The following KDM2B variants were observed in gnomAD, a reference collection of about 807,000 sequenced individuals.
KDM2B encodes the protein lysine-specific demethylase 2B.
KDM2B carries 26 observed loss-of-function variants against 150.0 expected under a neutral mutation model. The ratio of observed to expected loss-of-function variants is 0.17; its 90% CI spans 0.13 to 0.24. The LOEUF (loss-of-function observed/expected upper bound fraction) is 0.24. Among genes scored for constraint, KDM2B ranks in the 10% least tolerant of loss-of-function variants. The pLI, the probability that KDM2B is intolerant of heterozygous loss-of-function variation, is 1.00. For missense variants in KDM2B, 1,265 were observed against 1,816.9 expected, an observed-to-expected ratio of 0.70 and a Z score of 5.52; for synonymous variants, 734 against 729.5, an observed-to-expected ratio of 1.01 and a Z score of -0.10.
At chr12:121,566,425 C>A (rs1266050010) in intron 4 of KDM2B, among the ~76,000 whole-genome samples, 2 of 152,072 alleles carry the variant, frequency 1.3e-5, no homozygotes, top group Admixed American at 6.6e-5. Context: ...AGTTCGAGAC[C>A]ATCCTGGCCA....
chr12:121,550,920 A>G (rs1889438460), intron 4 of KDM2B, among the ~76,000 whole-genome samples: 1 of 152,164 alleles, frequency 6.6e-6, no homozygotes, highest in Admixed American at 6.6e-5. Context: ...CCAAATTCTC[A>G]GGTCCATTTA....
intron 10 of KDM2B, among the ~76,000 whole-genome samples, chr12:121,512,310 C>T (rs1885660423): frequency 6.6e-6 from 1 of 152,080 alleles, no homozygotes; most frequent in African/African-American, 2.4e-5. Flanking sequence ...CAAAGACTTC[C>T]CAGTGAAGGC....
intron 12 of KDM2B, among the ~76,000 whole-genome samples, chr12:121,459,042 C>T (rs1006138166): frequency 7.5e-5 from 11 of 145,768 alleles, no homozygotes; most frequent in African/African-American, 2.8e-4. Context: ...GCCAAGATCA[C>T]ACCACTGCAC....
chr12:121,569,059 A>C (rs560753228), intron 4 of KDM2B, among the ~76,000 whole-genome samples: 71 of 152,330 alleles, frequency 4.7e-4, no homozygotes, highest in African/African-American at 1.6e-3. Context: ...TGGAAGACAG[A>C]GGCTGCAAGA....
At chr12:121,554,703 A>C (rs985108927) in intron 4 of KDM2B, among the ~76,000 whole-genome samples, 118 of 151,792 alleles carry the variant, frequency 7.8e-4, no homozygotes, top group African/African-American at 2.8e-3. Context: ...GAGCCACCGC[A>C]CCCGGCCTGT....
At position 121,442,546 on chromosome 12, in the gene KDM2B, C is replaced by T. The variant is rs782265578; in HGVS notation, c.2895G>A (p.Leu965=). ...NHEIQRTENS[L]ANENQQPIKS... ...TGATGGGCTGCTGGTTCTCGTTGGCCAGGCTGTTCTCCGTCCTCTGGATCT... is the reference window on the plus strand; with the variant it reads ...TGATGGGCTGCTGGTTCTCGTTGGCTAGGCTGTTCTCCGTCCTCTGGATCT... Residue 965 remains leucine, a synonymous_variant, in exon 19 of 23, where the codon CTG becomes CTA. Coordinates refer to ENST00000377071, the MANE Select transcript of KDM2B (RefSeq NM_032590.5). This position sits in a 1 kb window ranked among gnomAD's most constrained non-coding sequence, Gnocchi z 7.7. 5.0e-6 allele frequency: 8 copies of T among 1,599,924 alleles called. No homozygotes were observed. The African/African-American group carries it at 8.0e-5, about 16-fold the overall frequency.
intron 12 of KDM2B, among the ~76,000 whole-genome samples, chr12:121,475,457 G>C (rs1395306231): frequency 1.3e-5 from 2 of 151,544 alleles, no homozygotes; most frequent in African/African-American, 4.9e-5. Flanking sequence ...GCCAGGCAAG[G>C]TGGCATGCAC....
Position 121,445,274 on chromosome 12 carries a change from C to G in KDM2B, c.2103+1G>C. ...CCACCTGTCCCCACTGGGCCACTCA[C>G]CTTAAGGCATCCAGGGTGGATGATT... On this transcript the variant is annotated splice_donor_variant, in intron 14 of 22. Coordinates refer to ENST00000377071, the MANE Select transcript of KDM2B (RefSeq NM_032590.5). LOFTEE classifies it high-confidence loss of function. The G allele has an allele frequency of 6.2e-7, 1 of 1,613,618 alleles. No homozygotes were observed. The highest frequency in any genetic ancestry group is 8.5e-7 in the Non-Finnish European group (1 of 1,179,666).
intron 6 of KDM2B, among the ~76,000 whole-genome samples, chr12:121,541,395 C>CAAAAA (rs59029432): frequency 6.8e-5 from 2 of 29,354 alleles, no homozygotes; most frequent in Non-Finnish European, 8.6e-5. Flanking sequence ...GCCCCTGTCT[C>CAAAAA]AAAAAAAAAA....
At position 121,513,141 on chromosome 12, in the gene KDM2B, G is replaced by A; in HGVS notation, c.1174+135C>T. Reference sequence around the variant, plus strand: ...CTGGCAAGAATGGCTTCCCCTGAGGGGTTCCTAGGATTCTGCCCAATACAC... The same window carrying A: ...CTGGCAAGAATGGCTTCCCCTGAGGAGTTCCTAGGATTCTGCCCAATACAC... On this transcript the variant is annotated intron_variant, in intron 10 of 22. Coordinates refer to ENST00000377071, the MANE Select transcript of KDM2B (RefSeq NM_032590.5). The surrounding 1 kb of genome is among the most constrained non-coding windows in gnomAD (Gnocchi z 5.0). The A allele has an allele frequency of 3.1e-6, 3 of 962,406 alleles. No homozygotes were observed. The highest frequency in any genetic ancestry group is 4.6e-6 in the Non-Finnish European group (3 of 655,092). 59.6% of individuals were successfully genotyped at this position (962,406 alleles called of 1,614,324 possible).
At chr12:121,488,222 T>C (rs1332090411) in intron 12 of KDM2B, among the ~76,000 whole-genome samples, 1 of 152,170 alleles carries the variant, frequency 6.6e-6, no homozygotes, top group African/African-American at 2.4e-5. Context: ...CAAATGATAA[T>C]TTTGGGATGG....
chr12:121,438,661 C>G (rs1452308153), intron 22 of KDM2B, among the ~76,000 whole-genome samples: 1 of 152,104 alleles, frequency 6.6e-6, no homozygotes, highest in East Asian at 1.9e-4. Context: ...ATGATCTCAT[C>G]CCATCCAAAG....
chr12:121,558,419 CAT>C (rs1328642743), intron 4 of KDM2B, among the ~76,000 whole-genome samples: 7 of 151,496 alleles, frequency 4.6e-5, no homozygotes, highest in Non-Finnish European at 1.0e-4. Context: ...GAAGGACAGA[CAT>C]GTGTGGAGAA....
At chr12:121,559,250 G>A (rs150939370) in intron 4 of KDM2B, among the ~76,000 whole-genome samples, 6 of 152,250 alleles carry the variant, frequency 3.9e-5, no homozygotes, top group Non-Finnish European at 5.9e-5. Context: ...GCAGAAGGTC[G>A]GGAGGCTTGG....
chr12:121,554,033 CCACACACACACACA>C (rs56659514), intron 4 of KDM2B, among the ~76,000 whole-genome samples: 105 of 122,140 alleles, frequency 8.6e-4, no homozygotes, highest in East Asian at 5.5e-3. Flanking sequence ...CACCCCAGCT[CCACACACACACACA>C]CACACACACA....
In KDM2B at chr12:121,575,379, G is replaced by A. The variant is rs1891432032; in HGVS notation, c.350+402C>T. 6.6e-6 allele frequency among the ~76,000 whole-genome samples: 1 copy of A among 152,232 alleles called. No individual in the cohort carries two copies. Among genetic ancestry groups the A allele is most frequent in the African/African-American group, 2.4e-5 (1 of 41,452 alleles). On this transcript the variant is annotated intron_variant, in intron 3 of 22. Coordinates refer to ENST00000377071, the MANE Select transcript of KDM2B (RefSeq NM_032590.5). The surrounding 1 kb of genome is among the most constrained non-coding windows in gnomAD (Gnocchi z 4.4). Reference sequence around the variant, plus strand: ...ATTGGCACCCCAGGAATCTGCATAAGAAACATGTATCTAGGTGCCCTGGGT... The same window carrying A: ...ATTGGCACCCCAGGAATCTGCATAAAAAACATGTATCTAGGTGCCCTGGGT...
rs1880108921 is a variant in KDM2B at position 121,467,102 on chromosome 12, G to C, written c.1735-13758C>G. On this transcript the variant is annotated intron_variant, in intron 12 of 22. Transcript: ENST00000377071. This position sits in a 1 kb window ranked among gnomAD's most constrained non-coding sequence, Gnocchi z 5.1. ...CGGCCGCCCTCGGCGCGTCAGACAG[G>C]CGGTCGGGAGGTCGTGCGGCGGGTC... The C allele has an allele frequency of 9.6e-7, 1 of 1,040,332 alleles. No individual in the cohort carries two copies. Among genetic ancestry groups the C allele is most frequent in the Non-Finnish European group, 1.2e-6 (1 of 831,164 alleles). The allele number at this position is 1,040,332 out of a possible 1,614,324, so 64.4% of individuals were successfully genotyped here.
intron 12 of KDM2B, among the ~76,000 whole-genome samples, chr12:121,482,540 T>C (rs1437193331): frequency 1.3e-5 from 2 of 152,076 alleles, no homozygotes; most frequent in Non-Finnish European, 2.9e-5. Flanking sequence ...GACCTCGTGA[T>C]CCACTCGCTT....
intron 12 of KDM2B, among the ~76,000 whole-genome samples, chr12:121,492,240 G>T (rs533110265): frequency 1.3e-5 from 2 of 152,220 alleles, no homozygotes; most frequent in African/African-American, 4.8e-5. Flanking sequence ...AAGGTAAAAA[G>T]AAACAATGAA....
Sources: gnomAD v4.1 joint callset for allele counts (sites outside exome capture counted in the v4.1 genomes callset) on GRCh38, gnomAD v4.1.1 for gene constraint, Gnocchi (gnomAD v3.1) non-coding constraint, MANE v1.5 for transcripts, NCBI Gene and HGNC (gene_info 2026-07-23, HGNC 2026-07-21) for gene names.